L3MBTL4: variants seen among roughly 807,000 people sequenced by gnomAD.
L3MBTL4 encodes lethal(3)malignant brain tumor-like protein 4.
Under a neutral mutation model 84.5 loss-of-function variants are expected in L3MBTL4, and 70 were observed. The ratio of observed to expected loss-of-function variants is 0.83; its 90% CI spans 0.68 to 1.01. L3MBTL4 has a LOEUF of 1.01. L3MBTL4 is among the 50% of genes least tolerant of loss of function. The pLI is 0.00. For synonymous variants in L3MBTL4, 274 were observed against 259.8 expected (o/e 1.05, Z -0.52); for missense variants, 715 against 754.8 (o/e 0.95, Z 0.62).
intron 2 of L3MBTL4, 97 bp from the exon 3 acceptor site, chr18:6,311,753 T>C (rs1008962903): frequency 1.3e-5 from 9 of 719,646 alleles, no homozygotes; most frequent in Non-Finnish European, 2.0e-5. Flanking sequence ...ATACTTCTCA[T>C]AGTTGGTTAC....
At chr18:6,248,554 C>CCCT (rs1312603554) in intron 5 of L3MBTL4, among the ~76,000 whole-genome samples, 1 of 152,208 alleles carries the variant, frequency 6.6e-6, no homozygotes, top group Non-Finnish European at 1.5e-5. Flanking sequence ...CCACCGCATT[C>CCCT]CCTCACACCA....
chr18:6,239,827 C>T lies in L3MBTL4; in HGVS notation c.598G>A (p.Ala200Thr). Residue 200 changes from alanine to threonine, a missense_variant, in exon 9 of 19, where the codon GCC becomes ACC. Ala to Thr is a moderately conservative substitution (Grantham distance 58, BLOSUM62 0). Transcript: ENST00000317931. ...AAGGAAGGGTTCTTCCTGTCCACGG[C>T]CTCCAGCTTCATTCCAACCTGAAAT... ...KEFQVGMKLE[A>T]VDRKNPSLVC... The T allele has an allele frequency of 6.2e-7, 1 of 1,614,212 alleles. No homozygotes were observed. The highest frequency in any genetic ancestry group is 8.5e-7 in the Non-Finnish European group (1 of 1,180,036).
chr18:6,235,837 GAATTTTACATC>G (rs1186940220), intron 10 of L3MBTL4, among the ~76,000 whole-genome samples: 1 of 152,122 alleles, frequency 6.6e-6, no homozygotes, highest in East Asian at 1.9e-4. Flanking sequence ...TATGCTGTGT[GAATTTTACATC>G]AATAAAAGAA....
intron 5 of L3MBTL4, among the ~76,000 whole-genome samples, chr18:6,250,510 C>T (rs554684404): frequency 2.5e-4 from 38 of 152,252 alleles, no homozygotes; most frequent in African/African-American, 7.0e-4. Context: ...GGGTGTATCA[C>T]GGAAGAGCGC....
At position 6,030,380 on chromosome 18, in the gene L3MBTL4, T is replaced by C. The variant is rs553849018; in HGVS notation, c.1444+50501A>G. On this transcript the variant is annotated intron_variant, in intron 16 of 18. Transcript: ENST00000317931. The stretch of plus-strand genomic sequence containing the variant: ...AAATCCTAGTCTGGGAGAATTAGAC[T>C]GTGAAATGAAAGAAAGCAGGAACAC... 9.1e-4 allele frequency: 895 copies of C among 985,250 alleles called. 2 individuals carry two copies. The highest frequency in any genetic ancestry group is 1.0e-3 in the Non-Finnish European group (850 of 829,926). The allele number at this position is 985,250 out of a possible 1,614,324, so 61.0% of individuals were successfully genotyped here.
At chr18:5,996,781 G>C (rs540427990) in intron 16 of L3MBTL4, among the ~76,000 whole-genome samples, 4 of 152,254 alleles carry the variant, frequency 2.6e-5, no homozygotes, top group Non-Finnish European at 2.9e-5. Flanking sequence ...GGGGACTGAG[G>C]GGCAGCAGGA....
chr18:5,988,048 A>G (rs1053322817), intron 16 of L3MBTL4, among the ~76,000 whole-genome samples: 13 of 152,250 alleles, frequency 8.5e-5, no homozygotes, highest in African/African-American at 3.1e-4. Context: ...TTTCTTGCAT[A>G]AAGTCATTGC....
At chr18:6,237,783 G>A (rs534389981) in intron 10 of L3MBTL4, among the ~76,000 whole-genome samples, 181 bp downstream of exon 10, 19 of 152,106 alleles carry the variant, frequency 1.2e-4, no homozygotes, top group African/African-American at 3.6e-4. Flanking sequence ...AACACAGTTC[G>A]TCTTCATTAT....
chr18:6,166,527 C>T (rs2043667070), intron 13 of L3MBTL4, among the ~76,000 whole-genome samples: 1 of 152,200 alleles, frequency 6.6e-6, no homozygotes. Context: ...AAGAAACTCA[C>T]TCAAAACTGC....
intron 12 of L3MBTL4, among the ~76,000 whole-genome samples, chr18:6,176,739 A>C (rs1323005666): frequency 6.6e-6 from 1 of 152,202 alleles, no homozygotes; most frequent in Non-Finnish European, 1.5e-5. Context: ...TGTTTTTCAA[A>C]ATCACCAAGA....
chr18:5,973,668 G>A (rs940544430), intron 16 of L3MBTL4, among the ~76,000 whole-genome samples: 1 of 152,238 alleles, frequency 6.6e-6, no homozygotes, highest in East Asian at 1.9e-4. Flanking sequence ...CAAATCAGAC[G>A]GATCAGATTC....
At chr18:6,201,829 AC>A (rs2045660963) in intron 12 of L3MBTL4, among the ~76,000 whole-genome samples, 1 of 152,180 alleles carries the variant, frequency 6.6e-6, no homozygotes, top group Non-Finnish European at 1.5e-5. Context: ...AAATATAAAT[AC>A]CCCATAAATA....
chr18:6,386,397 A>G (rs1410722574), intron 1 of L3MBTL4, among the ~76,000 whole-genome samples: 1 of 152,222 alleles, frequency 6.6e-6, no homozygotes, highest in Non-Finnish European at 1.5e-5. Flanking sequence ...CAACATAGCA[A>G]GATTCTTTTC....
At chr18:6,306,775 A>G (rs535877770) in intron 3 of L3MBTL4, among the ~76,000 whole-genome samples, 1 of 152,314 alleles carries the variant, frequency 6.6e-6, no homozygotes, top group East Asian at 1.9e-4. Flanking sequence ...CTGAAATGGA[A>G]AGACCCATAA....
At chr18:6,414,940 G>A (rs1005291784), upstream of L3MBTL4, 3 of 149,854 alleles carry the variant, frequency 2.0e-5, no homozygotes, top group Non-Finnish European at 4.5e-5. This position sits in a 1 kb window ranked among gnomAD's most constrained non-coding sequence, Gnocchi z 5.4. Flanking sequence ...GTGCACGCGC[G>A]GGGTGGGGGC....
At chr18:6,081,535 CTAAT>C (rs2058077436) in intron 15 of L3MBTL4, among the ~76,000 whole-genome samples, 1 of 152,138 alleles carries the variant, frequency 6.6e-6, no homozygotes, top group Non-Finnish European at 1.5e-5. Flanking sequence ...TCCAGGATTG[CTAAT>C]TAGTCAGTAA....
chr18:6,098,879 G>A (rs1429423929), intron 14 of L3MBTL4, among the ~76,000 whole-genome samples: 2 of 152,110 alleles, frequency 1.3e-5, no homozygotes, highest in African/African-American at 4.8e-5. Context: ...ATCTCCATGT[G>A]GAAGCCTTTA....
chr18:6,268,574 T>C (rs2048734841), intron 4 of L3MBTL4, among the ~76,000 whole-genome samples: 2 of 152,198 alleles, frequency 1.3e-5, no homozygotes, highest in African/African-American at 4.8e-5. Context: ...TAAATTTATT[T>C]TTTCTGCTGT....
At chr18:6,221,068 C>G (rs1343331842) in intron 10 of L3MBTL4, among the ~76,000 whole-genome samples, 1 of 152,018 alleles carries the variant, frequency 6.6e-6, no homozygotes, top group African/African-American at 2.4e-5. Context: ...AGGTGTAATA[C>G]TGGTTTCAGA....
Sources: allele counts gnomAD v4.1 joint callset (sites outside exome capture counted in the v4.1 genomes callset), GRCh38; gene constraint gnomAD v4.1.1; non-coding constraint Gnocchi (gnomAD v3.1); transcripts MANE v1.5; gene names NCBI Gene and HGNC (gene_info 2026-07-23, HGNC 2026-07-21).